Variants in PCDHA1 observed in about 807,000 individuals in gnomAD.
PCDHA1 encodes protocadherin alpha 1, also known as protocadherin alpha-1.
In PCDHA1, 42 loss-of-function variants were observed where a neutral mutation model predicts 61.3. The ratio of observed to expected loss-of-function variants is 0.69; its 90% CI spans 0.54 to 0.89. PCDHA1 has a LOEUF of 0.89. PCDHA1 is among the 40% of genes least tolerant of loss of function. PCDHA1 has a pLI of 0.00. For missense variants in PCDHA1, 1,256 were observed against 1,235.3 expected, an observed-to-expected ratio of 1.02 and a Z score of -0.25; for synonymous variants, 610 against 553.8, an observed-to-expected ratio of 1.10 and a Z score of -1.43.
At position 140,941,253 on chromosome 5, in the gene PCDHA1, TTC is replaced by T. The variant is rs371538795; in HGVS notation, c.2395-37692_2395-37691del. 4.9e-3 allele frequency among the ~76,000 whole-genome samples: 316 copies of T among 64,734 alleles called. 2 individuals carry two copies. The highest frequency in any genetic ancestry group is 6.9e-3 in the Admixed American group (39 of 5,692). 42.5% of individuals were successfully genotyped at this position (64,734 alleles called of 152,430 possible). On this transcript the variant is annotated intron_variant, in intron 1 of 3. Coordinates refer to ENST00000504120, the MANE Select transcript of PCDHA1 (RefSeq NM_018900.4). ...TTTCTTTCTTTCTTTCTTTCTTTCT[TTC>T]TCTTTCTTTCTTTCTTTCCTTCCTT...
At chr5:140,855,950 C>T in intron 1 of PCDHA1, 1 of 1,363,920 alleles carries the variant, frequency 7.3e-7, no homozygotes, top group Non-Finnish European at 1.0e-6. Flanking sequence ...TCAGCCATTT[C>T]GATAAAAAAT....
chr5:140,888,287 C>T (rs1371852276), intron 1 of PCDHA1, among the ~76,000 whole-genome samples: 1 of 152,072 alleles, frequency 6.6e-6, no homozygotes, highest in African/African-American at 2.4e-5. Flanking sequence ...CCCCTCTACC[C>T]CCTACCCAGG....
At chr5:140,805,708 A>T in intron 1 of PCDHA1, 1 of 633,596 alleles carries the variant, frequency 1.6e-6, no homozygotes, top group Non-Finnish European at 2.0e-6. Flanking sequence ...GAATTAGAAT[A>T]AAAATTAAGC....
chr5:140,982,604 A>G, intron 3 of PCDHA1, 41 bp downstream of exon 3: 1 of 1,607,164 alleles, frequency 6.2e-7, no homozygotes, highest in Non-Finnish European at 8.5e-7. Context: ...TGGTTTCTGG[A>G]AAGTGATCAG....
intron 1 of PCDHA1, among the ~76,000 whole-genome samples, chr5:140,886,851 AG>A (rs2061199020): frequency 6.6e-6 from 1 of 151,608 alleles, no homozygotes; most frequent in South Asian, 2.1e-4. Context: ...AAAAAAAGAA[AG>A]GTCTTCCCAA....
intron 1 of PCDHA1, chr5:140,802,587 G>A (rs781821131): frequency 6.2e-7 from 1 of 1,614,126 alleles, no homozygotes; most frequent in Non-Finnish European, 8.5e-7. Context: ...CACGGTGTTC[G>A]TGAAGGAGAA....
chr5:140,968,293 G>A, intron 1 of PCDHA1: 1 of 1,613,962 alleles, frequency 6.2e-7, no homozygotes, highest in South Asian at 1.1e-5. Flanking sequence ...ACTCCCTTCT[G>A]GAGAGGGAGA....
intron 1 of PCDHA1, among the ~76,000 whole-genome samples, chr5:140,832,941 C>G (rs1455354845): frequency 1.3e-5 from 2 of 152,044 alleles, no homozygotes; most frequent in Non-Finnish European, 2.9e-5. Flanking sequence ...AAGAGAGTAA[C>G]TTAAGTGAGT....
In PCDHA1 at chr5:140,883,753, G is replaced by A. The variant is rs945452765; in HGVS notation, c.2394+95069G>A. 5 of 1,613,010 alleles carry A rather than the reference G, an allele frequency of 3.1e-6. No homozygotes were observed. The African/African-American group carries it at 5.3e-5, about 17-fold the overall frequency. ...ACGCGCTGGTCTCCTACTCGCTGGT[G>A]GAGCGGCGGGTGGGCGAGCGTGCGC... is the stretch of plus-strand genomic sequence containing the variant. On this transcript the variant is annotated intron_variant, in intron 1 of 3. Transcript: ENST00000504120.
At chr5:140,993,996 G>C (rs1163632974) in intron 3 of PCDHA1, among the ~76,000 whole-genome samples, 1 of 152,148 alleles carries the variant, frequency 6.6e-6, no homozygotes, top group Non-Finnish European at 1.5e-5. Flanking sequence ...CTTAGGTCAG[G>C]CCAGGCTCTG....
chr5:140,855,192 C>T (rs2150331288), intron 1 of PCDHA1, among the ~76,000 whole-genome samples: 1 of 149,878 alleles, frequency 6.7e-6, no homozygotes, highest in South Asian at 2.1e-4. Context: ...AAATTGAGGC[C>T]TGAGAATAGT....
intron 3 of PCDHA1, among the ~76,000 whole-genome samples, chr5:140,998,381 G>A (rs932010146): frequency 4.6e-5 from 7 of 152,144 alleles, no homozygotes; most frequent in Non-Finnish European, 2.9e-5. Flanking sequence ...TCTCTAGAAA[G>A]TTTAATGCCA....
chr5:140,836,921 G>T (rs917250173), intron 1 of PCDHA1: 1 of 539,944 alleles, frequency 1.9e-6, no homozygotes. Context: ...TTTGTTTTGG[G>T]ATGCGTAATA....
At chr5:140,862,348 C>T (rs1404239338) in intron 1 of PCDHA1, 1 of 336,670 alleles carries the variant, frequency 3.0e-6, no homozygotes, top group Non-Finnish European at 5.9e-6. Context: ...ACTTCAGTGC[C>T]AAGGGACAGA....
intron 1 of PCDHA1, chr5:140,883,696 G>A (rs142212706): frequency 6.2e-7 from 1 of 1,613,818 alleles, no homozygotes; most frequent in Non-Finnish European, 8.5e-7. Flanking sequence ...ACATCTTCAC[G>A]GTGTCTGCTC....
intron 3 of PCDHA1, among the ~76,000 whole-genome samples, chr5:140,996,546 T>C (rs1179221123): frequency 6.6e-6 from 1 of 152,224 alleles, no homozygotes; most frequent in Admixed American, 6.5e-5. Flanking sequence ...GATATTATGC[T>C]GTCACTATCT....
chr5:140,943,129 G>T (rs2093422146), intron 1 of PCDHA1, among the ~76,000 whole-genome samples: 1 of 151,684 alleles, frequency 6.6e-6, no homozygotes, highest in South Asian at 2.1e-4. Flanking sequence ...GTGGTAGTGG[G>T]TGCCTGTAGT....
intron 1 of PCDHA1, among the ~76,000 whole-genome samples, chr5:140,936,196 G>A (rs1251323087): frequency 1.3e-5 from 2 of 152,072 alleles, no homozygotes; most frequent in African/African-American, 4.8e-5. Flanking sequence ...CCCAGCCAAA[G>A]TTGTCTTTTT....
At chr5:140,861,641 G>T (rs193008750) in intron 1 of PCDHA1, 38 of 298,444 alleles carry the variant, frequency 1.3e-4, no homozygotes, top group Admixed American at 1.2e-3. Flanking sequence ...CAACACAAAA[G>T]AATCTGTTTC....
Sources: allele counts gnomAD v4.1 joint callset (sites outside exome capture counted in the v4.1 genomes callset), GRCh38; gene constraint gnomAD v4.1.1; transcripts MANE v1.5; gene names NCBI Gene and HGNC (gene_info 2026-07-23, HGNC 2026-07-21).